The following AKAP13 variants were observed in gnomAD, a reference collection of about 807,000 sequenced individuals.
AKAP13 encodes the protein A-kinase anchoring protein 13.
AKAP13 carries 80 observed loss-of-function variants against 264.5 expected under a neutral mutation model. That is an observed-to-expected ratio of 0.30 (90% CI 0.25 to 0.36). The LOEUF is 0.36. Among genes scored for constraint, AKAP13 ranks in the 10% least tolerant of loss-of-function variants. The pLI, the probability that AKAP13 is intolerant of heterozygous loss-of-function variation, is 1.00. For missense variants in AKAP13, 3,712 were observed against 3,435.2 expected, an observed-to-expected ratio of 1.08 and a Z score of -2.01; for synonymous variants, 1,380 against 1,250.2, an observed-to-expected ratio of 1.10 and a Z score of -2.19.
chr15:85,699,565 T>C (rs2085786582), intron 17 of AKAP13, among the ~76,000 whole-genome samples: 1 of 152,226 alleles, frequency 6.6e-6, no homozygotes, highest in African/African-American at 2.4e-5. Flanking sequence ...TTTTATTCTT[T>C]TAGATTGTTT....
chr15:85,499,128 G>A (rs1305414527), intron 2 of AKAP13, among the ~76,000 whole-genome samples: 2 of 152,072 alleles, frequency 1.3e-5, no homozygotes, highest in East Asian at 3.8e-4. Flanking sequence ...ACAGATCTAT[G>A]GCTTTTCTTT....
At chr15:85,383,094 A>G (rs1449885169) in intron 1 of AKAP13, among the ~76,000 whole-genome samples, 1 of 151,538 alleles carries the variant, frequency 6.6e-6, no homozygotes, top group Non-Finnish European at 1.5e-5. Context: ...CGGAATCTTC[A>G]CTGTTGCCCA....
At position 85,644,891 on chromosome 15, in the gene AKAP13, T is replaced by A. The variant is rs539987610; in HGVS notation, c.4238-927T>A. 2.0e-5 allele frequency among the ~76,000 whole-genome samples: 3 copies of A among 152,214 alleles called. No homozygotes were observed. The South Asian group carries it at 6.2e-4, about 32-fold the overall frequency. On this transcript the variant is annotated intron_variant, in intron 9 of 36. Transcript: ENST00000394518. ...CCATCCACAAATCTCTTTAACCGTG[T>A]TGGTACCCAGTCACATGTCACTTTT...
rs776318099 is a variant in AKAP13, at chr15:85,718,087, A to T, written c.5929A>T (p.Ser1977Cys). ...ESKQLEAESW[S>C]RIIDSKFLKQ... The stretch of plus-strand genomic sequence containing the variant: ...CAAACAGCTGGAAGCAGAGTCTTGG[A>T]GTCGGATAATAGACAGCAAGTTTCT... Residue 1977 changes from serine to cysteine, a missense_variant, in exon 22 of 37, where the codon AGT becomes TGT. Physicochemically the swap from Ser to Cys is moderately radical, Grantham distance 112. Coordinates refer to ENST00000394518, the MANE Select transcript of AKAP13 (RefSeq NM_007200.5). The surrounding 1 kb of genome is among the most constrained non-coding windows in gnomAD (Gnocchi z 4.9). 29 of 1,614,202 alleles carry T rather than the reference A, an allele frequency of 1.8e-5. No individual in the cohort carries two copies. In the South Asian group the frequency reaches 3.1e-4, roughly 17 times the overall value.
At chr15:85,601,793 A>C (rs2080090540) in intron 8 of AKAP13, among the ~76,000 whole-genome samples, 1 of 152,098 alleles carries the variant, frequency 6.6e-6, no homozygotes. Context: ...TTACTGTATT[A>C]GAAGTTAAAA....
chr15:85,521,780 A>G (rs1297080233), intron 3 of AKAP13, among the ~76,000 whole-genome samples: 1 of 152,220 alleles, frequency 6.6e-6, no homozygotes, highest in Admixed American at 6.5e-5. Context: ...TATGTATATT[A>G]CTGTTATGTC....
intron 5 of AKAP13, among the ~76,000 whole-genome samples, chr15:85,546,318 C>CTAAACACACA: frequency 1.8e-5 from 1 of 54,212 alleles, no homozygotes; most frequent in South Asian, 6.2e-4. Flanking sequence ...ATTGTTGTTA[C>CTAAACACACA]CAAACACACA....
intron 8 of AKAP13, among the ~76,000 whole-genome samples, chr15:85,592,230 T>C (rs2079614556): frequency 6.6e-6 from 1 of 152,192 alleles, no homozygotes; most frequent in East Asian, 1.9e-4. Context: ...TTATATTTAA[T>C]GGAACACTCT....
intron 5 of AKAP13, among the ~76,000 whole-genome samples, chr15:85,566,879 C>T (rs1052393337): frequency 5.3e-5 from 8 of 151,850 alleles, no homozygotes; most frequent in African/African-American, 1.7e-4. Context: ...CTGCCTGCGT[C>T]GGCCTCCCAA....
Position 85,516,685 on chromosome 15 carries a change from C to T in AKAP13, c.34-4743C>T, listed in dbSNP as rs146324329. 2.3e-3 allele frequency among the ~76,000 whole-genome samples: 349 copies of T among 152,240 alleles called. 3 individuals carry two copies. Among genetic ancestry groups the T allele is most frequent in the African/African-American group, 7.9e-3 (330 of 41,528 alleles). On this transcript the variant is annotated intron_variant, in intron 2 of 36. Transcript: ENST00000394518. The stretch of plus-strand genomic sequence containing the variant: ...TCTCCTTCCCTTCTGCTGACCTGTT[C>T]TCAGTGGTGTGCTGGTTAAAAAGAA...
intron 35 of AKAP13, 109 bp from the exon 36 acceptor site, chr15:85,743,383 G>A: frequency 8.3e-7 from 1 of 1,200,398 alleles, no homozygotes; most frequent in Non-Finnish European, 1.2e-6. Context: ...CGCAGAGGTG[G>A]GTAAGTACCC....
At chr15:85,464,381 C>T (rs2074645585) in intron 1 of AKAP13, among the ~76,000 whole-genome samples, 1 of 152,174 alleles carries the variant, frequency 6.6e-6, no homozygotes, top group South Asian at 2.1e-4. Context: ...TGTCCTTAAA[C>T]AAGTTCTTTG....
intron 17 of AKAP13, among the ~76,000 whole-genome samples, chr15:85,693,940 A>T (rs1170514078): frequency 6.6e-6 from 1 of 152,202 alleles, no homozygotes; most frequent in African/African-American, 2.4e-5. Flanking sequence ...GTGTATTTAA[A>T]TGCATTTTTG....
At chr15:85,699,059 T>TC (rs1444020896) in intron 17 of AKAP13, among the ~76,000 whole-genome samples, 1 of 151,486 alleles carries the variant, frequency 6.6e-6, no homozygotes, top group Non-Finnish European at 1.5e-5. Flanking sequence ...GACAGAGCTC[T>TC]CCAAGACATT....
chr15:85,686,642 T>C (rs2084947592), intron 16 of AKAP13, among the ~76,000 whole-genome samples: 1 of 152,166 alleles, frequency 6.6e-6, no homozygotes, highest in Non-Finnish European at 1.5e-5. Flanking sequence ...GAATACTGCT[T>C]TACCAGTATT....
At chr15:85,474,343 A>G (rs2075073320) in intron 1 of AKAP13, among the ~76,000 whole-genome samples, 1 of 152,214 alleles carries the variant, frequency 6.6e-6, no homozygotes, top group East Asian at 1.9e-4. Flanking sequence ...AATGCCATTC[A>G]TGTTGTCACA....
At chr15:85,703,871 T>TAC (rs1567204320) in intron 17 of AKAP13, among the ~76,000 whole-genome samples, 34 of 149,692 alleles carry the variant, frequency 2.3e-4, no homozygotes, top group Non-Finnish European at 4.6e-4. Context: ...TATATATATA[T>TAC]ACACACACAT....
chr15:85,672,460 T>C (rs2083983959), intron 14 of AKAP13, among the ~76,000 whole-genome samples: 1 of 152,228 alleles, frequency 6.6e-6, no homozygotes, highest in Non-Finnish European at 1.5e-5. Context: ...GTGGTATGCC[T>C]TAAGCATCGG....
intron 1 of AKAP13, among the ~76,000 whole-genome samples, chr15:85,433,955 T>A (rs6497148): frequency 1.8e-4 from 27 of 148,092 alleles, no homozygotes; most frequent in Non-Finnish European, 3.4e-4. Flanking sequence ...AATAAAAAAA[T>A]AAAAAATAGG....
Sources: allele counts gnomAD v4.1 joint callset (sites outside exome capture counted in the v4.1 genomes callset), GRCh38; gene constraint gnomAD v4.1.1; non-coding constraint Gnocchi (gnomAD v3.1); transcripts MANE v1.5; gene names NCBI Gene and HGNC (gene_info 2026-07-23, HGNC 2026-07-21).